NID1: variants seen among roughly 807,000 people sequenced by gnomAD.
The protein encoded by NID1 is nidogen 1.
NID1 carries 76 observed loss-of-function variants against 130.6 expected under a neutral mutation model. The ratio of observed to expected loss-of-function variants is 0.58; its 90% CI spans 0.48 to 0.70. The LOEUF (loss-of-function observed/expected upper bound fraction) is 0.70, where lower values mean the gene tolerates loss of function less well. Among genes scored for constraint, NID1 ranks in the 30% least tolerant of loss-of-function variants. The pLI is 0.00. For synonymous variants in NID1, 665 were observed against 675.1 expected (o/e 0.98, Z 0.23); for missense variants, 1,517 against 1,664.8 (o/e 0.91, Z 1.54).
chr1:235,980,208 A>G (rs1322294082), intron 17 of NID1, among the ~76,000 whole-genome samples: 1 of 152,210 alleles, frequency 6.6e-6, no homozygotes, highest in East Asian at 1.9e-4. Flanking sequence ...GGCTCTGTGC[A>G]GTGCCACTTA....
chr1:236,059,256 A>G (rs951975065), intron 1 of NID1, among the ~76,000 whole-genome samples: 3 of 152,208 alleles, frequency 2.0e-5, no homozygotes, highest in Non-Finnish European at 2.9e-5. Flanking sequence ...GGATGGCTTC[A>G]AAGTTAGTGA....
At chr1:236,049,527 C>A (rs1224473850) in intron 1 of NID1, among the ~76,000 whole-genome samples, 4 of 152,018 alleles carry the variant, frequency 2.6e-5, no homozygotes, top group Admixed American at 2.6e-4. Context: ...CCAGCCCCCA[C>A]CTTTTAAGAA....
chr1:236,029,902 G>A, intron 6 of NID1, 152 bp from the exon 7 acceptor site: 1 of 705,444 alleles, frequency 1.4e-6, no homozygotes, highest in South Asian at 1.7e-5. Flanking sequence ...ACTGAAGACA[G>A]AGCTCAGACA....
chr1:235,991,129 C>CA (rs536964808), intron 13 of NID1, 71 bp from the exon 14 acceptor site: 236,715 of 1,254,348 alleles, frequency 0.19, 22,725 homozygotes, highest in East Asian at 0.6. Flanking sequence ...ACACACACAC[C>CA]CCCACACACA....
chr1:236,045,026 C>T (rs1659556851), intron 3 of NID1, among the ~76,000 whole-genome samples: 1 of 151,904 alleles, frequency 6.6e-6, no homozygotes, highest in African/African-American at 2.4e-5. Context: ...TGGTGAAACC[C>T]CGTCTCTACT....
Position 236,003,187 on chromosome 1 carries a change from T to C in NID1, c.2527+8734A>G, listed in dbSNP as rs544931117. Among the ~76,000 whole-genome samples the C allele has an allele frequency of 6.1e-4, 88 of 145,444 alleles. 8 individuals carry two copies. The highest frequency in any genetic ancestry group is 3.6e-3 in the Middle Eastern group (1 of 280). The stretch of plus-strand genomic sequence containing the variant: ...GTAGTTGTCACTCCTAGTGAACGAC[T>C]GGTAGTTGTCACTCCTAGTGAACGA... On this transcript the variant is annotated intron_variant, in intron 12 of 19. Transcript: ENST00000264187.
At position 235,985,754 on chromosome 1, in the gene NID1, G is replaced by GTATA. The variant is rs143128887; in HGVS notation, c.2929-253_2929-250dup. On this transcript the variant is annotated intron_variant, in intron 14 of 19. Coordinates refer to ENST00000264187, the MANE Select transcript of NID1 (RefSeq NM_002508.3). ...TGTGTGTGTGTGTGTGTGTGTGTGT[G>GTATA]TATATATATGCATAAATATGTATTT... Among the ~76,000 whole-genome samples the GTATA allele has an allele frequency of 6.3e-4, 94 of 149,366 alleles. 1 individual carries two copies. In the East Asian group the frequency reaches 0.013, roughly 21 times the overall value.
intron 2 of NID1, among the ~76,000 whole-genome samples, chr1:236,046,347 G>A (rs541048619): frequency 6.6e-6 from 1 of 152,248 alleles, no homozygotes; most frequent in South Asian, 2.1e-4. Flanking sequence ...TGGGAAGGCT[G>A]ACATGTGAAG....
chr1:236,005,900 A>G (rs572828762), intron 12 of NID1, among the ~76,000 whole-genome samples: 2 of 152,336 alleles, frequency 1.3e-5, no homozygotes, highest in African/African-American at 4.8e-5. Flanking sequence ...AGTAACAGGA[A>G]CCACTCTGAC....
chr1:236,022,472 C>G (rs942114679), intron 9 of NID1, among the ~76,000 whole-genome samples: 2 of 150,962 alleles, frequency 1.3e-5, no homozygotes, highest in Admixed American at 6.6e-5. Context: ...TCCCAAGTAG[C>G]TGGGACTACA....
intron 7 of NID1, among the ~76,000 whole-genome samples, chr1:236,027,170 G>A (rs1572604630): frequency 6.6e-6 from 1 of 152,146 alleles, no homozygotes; most frequent in Non-Finnish European, 1.5e-5. Flanking sequence ...AGCCTGAACA[G>A]AGGAGAGGAG....
chr1:236,052,104 C>T (rs1302330870), intron 1 of NID1, among the ~76,000 whole-genome samples: 1 of 152,188 alleles, frequency 6.6e-6, no homozygotes, highest in Non-Finnish European at 1.5e-5. Flanking sequence ...TGCAGAACAG[C>T]CAGAAGTTTC....
chr1:236,055,662 A>G (rs550245763), intron 1 of NID1, among the ~76,000 whole-genome samples: 1 of 151,484 alleles, frequency 6.6e-6, no homozygotes, highest in African/African-American at 2.4e-5. Context: ...CTCAAAAAAT[A>G]AAAATAGAAA....
At position 235,981,597 on chromosome 1, in the gene NID1, T is replaced by G. The variant is rs762393294; in HGVS notation, c.3227+14A>C. Reference sequence around the variant, plus strand: ...AAATCAAAGAGATGCACACACATATTTACACAAAGATACCCTCTCACGGAA... The same window carrying G: ...AAATCAAAGAGATGCACACACATATGTACACAAAGATACCCTCTCACGGAA... On this transcript the variant is annotated intron_variant, in intron 16 of 19. Coordinates refer to ENST00000264187, the MANE Select transcript of NID1 (RefSeq NM_002508.3). The G allele has an allele frequency of 6.2e-7, 1 of 1,606,386 alleles. No homozygotes were observed. Among genetic ancestry groups the G allele is most frequent in the Non-Finnish European group, 8.5e-7 (1 of 1,176,112 alleles).
intron 1 of NID1, among the ~76,000 whole-genome samples, chr1:236,056,874 C>G (rs549993070): frequency 1.2e-3 from 175 of 151,524 alleles, no homozygotes; most frequent in Non-Finnish European, 2.0e-3. Flanking sequence ...GCACCCCATA[C>G]AGTGCCCTGA....
At chr1:235,992,090 C>T (rs751313999) in intron 13 of NID1, among the ~76,000 whole-genome samples, 4 of 152,188 alleles carry the variant, frequency 2.6e-5, no homozygotes, top group Non-Finnish European at 5.9e-5. Context: ...GCTAAGAGGG[C>T]TGATTGGGTG....
At position 236,011,853 on chromosome 1, in the gene NID1, T is replaced by C. The variant is rs2031486; in HGVS notation, c.2527+68A>G. 171,815 of 1,054,528 alleles carry C rather than the reference T, an allele frequency of 0.16. 29,101 individuals carry two copies. The highest frequency in any genetic ancestry group is 0.17 in the Non-Finnish European group (118,897 of 679,748). 65.3% of individuals were successfully genotyped at this position (1,054,528 alleles called of 1,614,324 possible). ...TGCTCTGGATTCATGGACAGGGCAA[T>C]GGGCCATGTGCTCTGCATTCATGGA... On this transcript the variant is annotated intron_variant, in intron 12 of 19. Coordinates refer to ENST00000264187, the MANE Select transcript of NID1 (RefSeq NM_002508.3).
At chr1:236,001,626 T>C (rs1404588505) in intron 12 of NID1, among the ~76,000 whole-genome samples, 1 of 152,210 alleles carries the variant, frequency 6.6e-6, no homozygotes, top group Non-Finnish European at 1.5e-5. Flanking sequence ...AACAGCTTTC[T>C]TTACTTATGA....
intron 7 of NID1, among the ~76,000 whole-genome samples, chr1:236,028,929 C>T (rs1016402380): frequency 6.6e-6 from 1 of 152,130 alleles, no homozygotes; most frequent in Non-Finnish European, 1.5e-5. Flanking sequence ...GTAATCCCAG[C>T]ACTTAGGGAG....
Sources: gnomAD v4.1 joint callset for allele counts (sites outside exome capture counted in the v4.1 genomes callset) on GRCh38, gnomAD v4.1.1 for gene constraint, MANE v1.5 for transcripts, NCBI Gene and HGNC (gene_info 2026-07-23, HGNC 2026-07-21) for gene names.